AGMO: variants seen among roughly 807,000 people sequenced by gnomAD.
The protein encoded by AGMO is glyceryl-ether monooxygenase.
A neutral mutation model predicts 60.2 loss-of-function variants in AGMO; 75 were observed. The observed-to-expected ratio is 1.25, with a 90% CI of 1.03 to 1.51. The LOEUF (loss-of-function observed/expected upper bound fraction) is 1.51, where lower values mean the gene tolerates loss of function less well. Ranked by LOEUF, AGMO falls within the 40% of genes most tolerant of loss-of-function variation. The probability of loss-of-function intolerance (pLI) is 0.00; values close to 1 mark genes in which losing one functional copy is unlikely to be tolerated. For missense variants in AGMO, 763 were observed against 525.5 expected, an observed-to-expected ratio of 1.45 and a Z score of -4.42; for synonymous variants, 261 against 177.1, an observed-to-expected ratio of 1.47 and a Z score of -3.76.
At chr7:15,405,383 T>A (rs2128490746) in intron 5 of AGMO, among the ~76,000 whole-genome samples, 1 of 152,042 alleles carries the variant, frequency 6.6e-6, no homozygotes, top group Non-Finnish European at 1.5e-5. Context: ...TCTATGTTCA[T>A]GATGCTCAAA....
chr7:15,431,799 T>C (rs1781247819), intron 3 of AGMO, among the ~76,000 whole-genome samples: 1 of 151,822 alleles, frequency 6.6e-6, no homozygotes, highest in African/African-American at 2.4e-5. Flanking sequence ...GTTGTTTATT[T>C]TCATCAAGCA....
the AGMO span, among the ~76,000 whole-genome samples, chr7:15,148,887 T>G: frequency 1.3e-5 from 2 of 152,064 alleles, no homozygotes; most frequent in East Asian, 1.9e-4. Flanking sequence ...TTGAGAAAAC[T>G]CCGAACTGCT....
the AGMO span, among the ~76,000 whole-genome samples, chr7:15,168,358 C>A: frequency 6.6e-6 from 1 of 152,144 alleles, no homozygotes; most frequent in Non-Finnish European, 1.5e-5. Flanking sequence ...AAGGGCGGGG[C>A]TTTATAGCCC....
At chr7:15,353,914 A>G (rs1355949594) in intron 12 of AGMO, among the ~76,000 whole-genome samples, 2 of 152,144 alleles carry the variant, frequency 1.3e-5, no homozygotes, top group Non-Finnish European at 2.9e-5. Context: ...ACTATCATGT[A>G]TTATTCTCTT....
chr7:15,512,561 G>T lies in AGMO; in HGVS notation c.409+32211C>A, dbSNP rs1783703124. Among the ~76,000 whole-genome samples the T allele has an allele frequency of 2.0e-5, 3 of 152,110 alleles. No individual in the cohort carries two copies. The South Asian group carries it at 6.2e-4, about 32-fold the overall frequency. On this transcript the variant is annotated intron_variant, in intron 3 of 12. Transcript: ENST00000342526. The stretch of plus-strand genomic sequence containing the variant: ...AACCACTATGCCCGGCCTAAAGTCT[G>T]ATACTCCTTTTTCAATTGATAAGTA...
At chr7:15,505,174 C>T (rs926874221) in intron 3 of AGMO, among the ~76,000 whole-genome samples, 3 of 151,716 alleles carry the variant, frequency 2.0e-5, no homozygotes, top group Non-Finnish European at 2.9e-5. Flanking sequence ...TAGTGATATA[C>T]GAATAGATGG....
intron 12 of AGMO, among the ~76,000 whole-genome samples, chr7:15,353,550 TAAAAG>T (rs1345271463): frequency 3.3e-5 from 5 of 151,960 alleles, no homozygotes; most frequent in Non-Finnish European, 7.4e-5. Flanking sequence ...ACTACTCAAC[TAAAAG>T]AAAAAAGAAA....
At chr7:15,178,713 T>G in the AGMO span, among the ~76,000 whole-genome samples, 1 of 152,174 alleles carries the variant, frequency 6.6e-6, no homozygotes, top group South Asian at 2.1e-4. Context: ...TTGCAAGTAG[T>G]AAATACCAGA....
At chr7:15,182,748 A>C in the AGMO span, among the ~76,000 whole-genome samples, 1 of 152,134 alleles carries the variant, frequency 6.6e-6, no homozygotes, top group Non-Finnish European at 1.5e-5. Context: ...ATGGGTTCCG[A>C]CATTGCTATA....
intron 3 of AGMO, among the ~76,000 whole-genome samples, chr7:15,527,682 C>T (rs1417442691): frequency 1.3e-5 from 2 of 152,152 alleles, no homozygotes; most frequent in Admixed American, 6.5e-5. Flanking sequence ...ATGCAATCTA[C>T]AATTTTCATA....
intron 4 of AGMO, among the ~76,000 whole-genome samples, chr7:15,429,837 C>T (rs775933129): frequency 3.3e-5 from 5 of 151,988 alleles, no homozygotes; most frequent in African/African-American, 9.7e-5. Context: ...TGTAATTAAC[C>T]TCACTGATCT....
At chr7:15,411,303 AC>A (rs1262423272) in intron 5 of AGMO, among the ~76,000 whole-genome samples, 1 of 151,970 alleles carries the variant, frequency 6.6e-6, no homozygotes, top group Non-Finnish European at 1.5e-5. Flanking sequence ...TGTTATTGCA[AC>A]AGAAAACAGA....
chr7:15,279,909 A>C (rs1387913308), intron 12 of AGMO, among the ~76,000 whole-genome samples: 1 of 152,214 alleles, frequency 6.6e-6, no homozygotes, highest in Admixed American at 6.5e-5. Context: ...GTGCATTTTC[A>C]ATCTCCAGCA....
chr7:15,444,041 C>A (rs1421279335), intron 3 of AGMO, among the ~76,000 whole-genome samples: 1 of 152,178 alleles, frequency 6.6e-6, no homozygotes, highest in African/African-American at 2.4e-5. Context: ...TACTAATACT[C>A]TACTATTTTG....
At chr7:15,501,625 T>G (rs146850277) in intron 3 of AGMO, among the ~76,000 whole-genome samples, 1,691 of 152,086 alleles carry the variant, frequency 0.011, 25 homozygotes, top group Non-Finnish European at 0.012. Flanking sequence ...CAGTGACAAA[T>G]GCAGGGATGG....
intron 12 of AGMO, among the ~76,000 whole-genome samples, chr7:15,217,861 T>C (rs1781789756): frequency 6.6e-6 from 1 of 152,042 alleles, no homozygotes; most frequent in Non-Finnish European, 1.5e-5. Context: ...GTTAATTTAT[T>C]GTTCGCCATA....
At chr7:15,400,589 TACC>T (rs1784526180) in intron 5 of AGMO, among the ~76,000 whole-genome samples, 1 of 152,090 alleles carries the variant, frequency 6.6e-6, no homozygotes, top group Admixed American at 6.6e-5. Context: ...TGGTGGTCAT[TACC>T]AGGACCAAAG....
intron 12 of AGMO, among the ~76,000 whole-genome samples, chr7:15,322,543 T>TATAAATATATATAAATATATAA (rs1781162411): frequency 1.8e-5 from 1 of 56,370 alleles, no homozygotes. Context: ...TAAATATATA[T>TATAAATATATATAAATATATAA]ATAAATATAT....
chr7:15,553,266 A>G (rs1422557534), intron 2 of AGMO, among the ~76,000 whole-genome samples: 1 of 151,970 alleles, frequency 6.6e-6, no homozygotes, highest in African/African-American at 2.4e-5. Flanking sequence ...GCACATGTAT[A>G]CATATGTAAC....
Sources: allele counts gnomAD v4.1 joint callset (sites outside exome capture counted in the v4.1 genomes callset), GRCh38; gene constraint gnomAD v4.1.1; transcripts MANE v1.5; gene names NCBI Gene and HGNC (gene_info 2026-07-23, HGNC 2026-07-21).